The following KCNJ3 variants were observed in gnomAD, a reference collection of about 807,000 sequenced individuals.
KCNJ3 encodes potassium inwardly rectifying channel subfamily J member 3.
A neutral mutation model predicts 39.2 loss-of-function variants in KCNJ3; 4 were observed. The ratio of observed to expected loss-of-function variants is 0.10; its 90% confidence interval spans 0.05 to 0.23. The LOEUF is 0.23. Among genes scored for constraint, KCNJ3 ranks in the 10% least tolerant of loss-of-function variants. The pLI is 1.00. For missense variants in KCNJ3, 276 were observed against 634.9 expected, an observed-to-expected ratio of 0.43 and a Z score of 6.08; for synonymous variants, 230 against 237.4, an observed-to-expected ratio of 0.97 and a Z score of 0.29.
chr2:154,777,989 T>G (rs908177742), intron 2 of KCNJ3, among the ~76,000 whole-genome samples: 5 of 152,166 alleles, frequency 3.3e-5, no homozygotes, highest in African/African-American at 1.2e-4. Flanking sequence ...GCCAGAGTAG[T>G]GGATATTCCC....
chr2:154,820,944 A>G (rs1213657219), intron 2 of KCNJ3, among the ~76,000 whole-genome samples: 2 of 152,170 alleles, frequency 1.3e-5, no homozygotes, highest in African/African-American at 4.8e-5. Context: ...AGCTGAAACA[A>G]GAGATTTTAT....
intron 2 of KCNJ3, among the ~76,000 whole-genome samples, chr2:154,839,091 C>T (rs1292731902): frequency 6.6e-6 from 1 of 152,132 alleles, no homozygotes; most frequent in Non-Finnish European, 1.5e-5. Flanking sequence ...TGCTGTCTCT[C>T]CCCCAGCCCC....
chr2:154,847,912 G>T (rs762233860), intron 2 of KCNJ3, among the ~76,000 whole-genome samples: 12 of 151,976 alleles, frequency 7.9e-5, no homozygotes, highest in South Asian at 4.1e-4. Context: ...TGGCCTCTAG[G>T]GCTGATATGA....
intron 2 of KCNJ3, among the ~76,000 whole-genome samples, chr2:154,840,053 A>C (rs1016466107): frequency 6.6e-6 from 1 of 151,966 alleles, no homozygotes; most frequent in Non-Finnish European, 1.5e-5. Context: ...TTTCTTCTAG[A>C]GTTTTTATGG....
At chr2:154,851,526 A>G (rs1215597992) in intron 2 of KCNJ3, among the ~76,000 whole-genome samples, 1 of 152,234 alleles carries the variant, frequency 6.6e-6, no homozygotes, top group Non-Finnish European at 1.5e-5. Context: ...TCTAGTTGAT[A>G]AAGGAGAAAA....
chr2:154,786,601 T>C (rs555632037), intron 2 of KCNJ3, among the ~76,000 whole-genome samples: 1 of 152,310 alleles, frequency 6.6e-6, no homozygotes, highest in Non-Finnish European at 1.5e-5. Context: ...ACCAGTGAGA[T>C]GCAGATATAT....
chr2:154,739,668 G>A (rs145273846), intron 2 of KCNJ3, among the ~76,000 whole-genome samples: 454 of 152,092 alleles, frequency 3.0e-3, no homozygotes, highest in Non-Finnish European at 4.0e-3. Flanking sequence ...ATGCCCAGAG[G>A]CTTGAGGCTT....
chr2:154,838,947 T>C, intron 2 of KCNJ3, among the ~76,000 whole-genome samples: 1 of 149,462 alleles, frequency 6.7e-6, no homozygotes, highest in East Asian at 1.9e-4. Flanking sequence ...TTTTTATGTA[T>C]GTATTTATTT....
intron 2 of KCNJ3, among the ~76,000 whole-genome samples, chr2:154,839,703 CAT>C (rs774219526): frequency 2.0e-5 from 3 of 152,152 alleles, no homozygotes; most frequent in Admixed American, 6.5e-5. Flanking sequence ...AGCATTTTTT[CAT>C]ATGTTTGTTG....
At chr2:154,781,450 T>G (rs566447286) in intron 2 of KCNJ3, among the ~76,000 whole-genome samples, 1 of 152,316 alleles carries the variant, frequency 6.6e-6, no homozygotes, top group East Asian at 1.9e-4. Context: ...AAGGAGGTCT[T>G]ACCTTTGAAT....
intron 2 of KCNJ3, among the ~76,000 whole-genome samples, chr2:154,817,124 T>C (rs999739490): frequency 2.0e-5 from 3 of 152,170 alleles, no homozygotes; most frequent in Admixed American, 6.6e-5. Flanking sequence ...ACAATCCTTT[T>C]CTTCCCCCTG....
At chr2:154,759,473 T>C (rs1414583993) in intron 2 of KCNJ3, among the ~76,000 whole-genome samples, 2 of 152,138 alleles carry the variant, frequency 1.3e-5, no homozygotes, top group Non-Finnish European at 2.9e-5. Context: ...AATCTTTGTG[T>C]ATATAGCATC....
chr2:154,772,996 C>G (rs13030600), intron 2 of KCNJ3, among the ~76,000 whole-genome samples: 1 of 151,788 alleles, frequency 6.6e-6, no homozygotes, highest in Non-Finnish European at 1.5e-5. Context: ...ATATTTAGTG[C>G]TGTAAGATCT....
In KCNJ3 at chr2:154,855,101, G is replaced by A; in HGVS notation, c.1294G>A (p.Asp432Asn). 6.2e-7 allele frequency: 1 copy of A among 1,614,040 alleles called. No individual in the cohort carries two copies. Among genetic ancestry groups the A allele is most frequent in the South Asian group, 1.1e-5 (1 of 91,074 alleles). Residue 432 changes from aspartate to asparagine, a missense_variant, in exon 3 of 3, where the codon GAC becomes AAC. Transcript: ENST00000295101. ...TTSEKAYSLG[D>N]LPMKLQRISS... ...TTCAGAAAAAGCCTACAGCTTGGGA[G>A]ACTTGCCCATGAAACTTCAACGAAT... is the stretch of plus-strand genomic sequence containing the variant.
intron 2 of KCNJ3, among the ~76,000 whole-genome samples, chr2:154,801,800 T>A (rs1385898911): frequency 1.3e-5 from 2 of 152,044 alleles, no homozygotes; most frequent in African/African-American, 4.8e-5. Flanking sequence ...CTAATTTTTG[T>A]ATTTTTAGTA....
chr2:154,714,710 C>T (rs1053676535), intron 2 of KCNJ3, among the ~76,000 whole-genome samples: 1 of 152,168 alleles, frequency 6.6e-6, no homozygotes, highest in Non-Finnish European at 1.5e-5. Flanking sequence ...TTTATCCCTG[C>T]CCCCTGTTTT....
At chr2:154,738,658 G>A (rs2105173170) in intron 2 of KCNJ3, among the ~76,000 whole-genome samples, 1 of 152,000 alleles carries the variant, frequency 6.6e-6, no homozygotes, top group South Asian at 2.1e-4. Flanking sequence ...CGTAAGTATA[G>A]AATAAAGGAT....
chr2:154,840,610 G>C (rs890669800), intron 2 of KCNJ3, among the ~76,000 whole-genome samples: 11 of 152,006 alleles, frequency 7.2e-5, no homozygotes, highest in African/African-American at 1.2e-4. Context: ...CTTTTAGTTC[G>C]TTGAGCAGTG....
chr2:154,703,870 G>T (rs1177580866), intron 1 of KCNJ3, among the ~76,000 whole-genome samples: 1 of 151,958 alleles, frequency 6.6e-6, no homozygotes, highest in Non-Finnish European at 1.5e-5. Flanking sequence ...ACAAATGAAT[G>T]TCTATATTTG....
Sources: gnomAD v4.1 joint callset for allele counts (sites outside exome capture counted in the v4.1 genomes callset) on GRCh38, gnomAD v4.1.1 for gene constraint, MANE v1.5 for transcripts, NCBI Gene and HGNC (gene_info 2026-07-23, HGNC 2026-07-21) for gene names.